Variants in TOR1B observed in about 807,000 individuals in gnomAD.
TOR1B encodes the protein torsin family 1 member B.
Under a neutral mutation model 29.2 loss-of-function variants are expected in TOR1B, and 14 were observed. That is an observed-to-expected ratio of 0.48 (90% CI 0.32 to 0.75). The LOEUF is 0.75. TOR1B is among the 30% of genes least tolerant of loss of function. The pLI is 0.04. For missense variants in TOR1B, 400 were observed against 433.9 expected, an observed-to-expected ratio of 0.92 and a Z score of 0.69; for synonymous variants, 166 against 179.8, an observed-to-expected ratio of 0.92 and a Z score of 0.62.
chr9:129,806,762 G>A (rs1406862203), intron 2 of TOR1B, among the ~76,000 whole-genome samples: 1 of 152,142 alleles, frequency 6.6e-6, no homozygotes, highest in Non-Finnish European at 1.5e-5. Flanking sequence ...CGGGGCGCCT[G>A]TAGTCCCAAC....
chr9:129,803,596 G>T (rs1233886769), intron 1 of TOR1B, among the ~76,000 whole-genome samples, 185 bp downstream of exon 1: 4 of 152,250 alleles, frequency 2.6e-5, no homozygotes, highest in Non-Finnish European at 5.9e-5. Context: ...GAACGCAGAA[G>T]CGGTGCCTTC....
intron 4 of TOR1B, 25 bp downstream of exon 4, chr9:129,809,057 C>A (rs367954398): frequency 1.1e-5 from 17 of 1,587,352 alleles, no homozygotes; most frequent in Non-Finnish European, 1.5e-5. Flanking sequence ...GTAAAGGAGC[C>A]CCTTAACTGT....
Position 129,807,367 on chromosome 9 carries a change from A to G in TOR1B, c.641+4A>G, listed in dbSNP as rs2030554958. On this transcript the variant is annotated splice_donor_region_variant and intron_variant, in intron 3 of 4. Transcript: ENST00000259339. ...AAGCCATCTTCATCTTTCTCAGGTC[A>G]GCGGGAGGCGGTTTTTTGGGGCACA... 6.2e-7 allele frequency: 1 copy of G among 1,612,732 alleles called. No homozygotes were observed. The highest frequency in any genetic ancestry group is 8.5e-7 in the Non-Finnish European group (1 of 1,179,114).
At chr9:129,809,265 A>G in intron 4 of TOR1B, 77 bp from the exon 5 acceptor site, 1 of 1,600,272 alleles carries the variant, frequency 6.2e-7, no homozygotes, top group Non-Finnish European at 8.5e-7. Flanking sequence ...GGACATGAGG[A>G]ATGTGCTGAG....
chr9:129,806,269 G>A (rs2030479341), intron 2 of TOR1B, among the ~76,000 whole-genome samples: 1 of 152,158 alleles, frequency 6.6e-6, no homozygotes, highest in Non-Finnish European at 1.5e-5. Flanking sequence ...GGATTTTCTT[G>A]TTCTTTACAT....
chr9:129,803,240 G>A lies in TOR1B; in HGVS notation c.28G>A (p.Ala10Thr), dbSNP rs2030259138. Residue 10 changes from alanine to threonine, a missense_variant, in exon 1 of 5, where the codon GCG becomes ACG. By Grantham distance (58) the Ala-to-Thr change is moderately conservative (BLOSUM62 0). Coordinates refer to ENST00000259339, the MANE Select transcript of TOR1B (RefSeq NM_014506.3). MLRAGWLRG[A>T]AALALLLAAR... is the part of the protein sequence containing the mutation. ...GTTGCGGGCTGGGTGGCTCCGGGGC[G>A]CGGCGGCGCTGGCGCTGCTGCTGGC... is the stretch of plus-strand genomic sequence containing the variant. 6.5e-7 allele frequency: 1 copy of A among 1,541,320 alleles called. No homozygotes were observed. The highest frequency in any genetic ancestry group is 8.7e-7 in the Non-Finnish European group (1 of 1,151,304).
Position 129,810,045 on chromosome 9 carries a change from C to A in TOR1B, c.*462C>A. The A allele has an allele frequency of 4.1e-6, 5 of 1,227,308 alleles. No individual in the cohort carries two copies. In the South Asian group the frequency reaches 7.2e-5, roughly 18 times the overall value. 76.0% of individuals were successfully genotyped at this position (1,227,308 alleles called of 1,614,324 possible). On this transcript the variant is annotated 3_prime_UTR_variant, in exon 5 of 5. Transcript: ENST00000259339. Reference sequence around the variant, plus strand: ...AGTACCTGAAAACAGCTGTGCATGGCAGGCCCGGCAATAGCTTCTGACCCA... The same window carrying A: ...AGTACCTGAAAACAGCTGTGCATGGAAGGCCCGGCAATAGCTTCTGACCCA...
At chr9:129,805,421 C>CA (rs1210534162) in intron 2 of TOR1B, among the ~76,000 whole-genome samples, 11 of 138,800 alleles carry the variant, frequency 7.9e-5, no homozygotes, top group South Asian at 2.3e-4. Context: ...GACTCTGTCT[C>CA]AAAAAAAAAG....
intron 1 of TOR1B, 126 bp from the exon 2 acceptor site, chr9:129,803,947 G>A: frequency 1.6e-6 from 2 of 1,278,208 alleles, no homozygotes; most frequent in South Asian, 2.8e-5. Context: ...GCCCTAGGGT[G>A]TGGCAGACAC....
In TOR1B at chr9:129,809,010, C is replaced by T. The variant is rs112230862; in HGVS notation, c.747C>T (p.Val249=). 6.8e-5 allele frequency: 110 copies of T among 1,612,126 alleles called. 2 individuals are homozygous for T. The highest frequency in any genetic ancestry group is 5.5e-4 in the African/African-American group (41 of 74,730). Residue 249 remains valine (V), a synonymous_variant, in exon 4 of 5, where the codon GTC becomes GTT. Coordinates refer to ENST00000259339, the MANE Select transcript of TOR1B (RefSeq NM_014506.3). ...QLKDLEPVLS[V]GVFNNKHSGL... ...AGGACCTGGAACCTGTACTGTCTGT[C>T]GGAGTCTTCAATAATAAACACAGTG...
In TOR1B at chr9:129,810,341, G is replaced by T; in HGVS notation, c.*758G>T. The T allele has an allele frequency of 1.7e-6, 2 of 1,159,640 alleles. No individual in the cohort carries two copies. Among genetic ancestry groups the T allele is most frequent in the Non-Finnish European group, 2.3e-6 (2 of 887,438 alleles). 71.8% of individuals were successfully genotyped at this position (1,159,640 alleles called of 1,614,324 possible). A position where few individuals can be genotyped will look rare whatever the true frequency, so the allele number is the denominator to read the frequency against. On this transcript the variant is annotated 3_prime_UTR_variant, in exon 5 of 5. Coordinates refer to ENST00000259339, the MANE Select transcript of TOR1B (RefSeq NM_014506.3). ...ACTCTTGATCTGAGCTGACCTGTGT[G>T]TGTGTGTGTGGGGGGGTGGGGCCTT...
intron 2 of TOR1B, among the ~76,000 whole-genome samples, chr9:129,806,769 C>T (rs1191784688): frequency 6.6e-6 from 1 of 152,124 alleles, no homozygotes; most frequent in Non-Finnish European, 1.5e-5. Context: ...CCTGTAGTCC[C>T]AACTACACGG....
At chr9:129,806,843 C>T (rs1432109600) in intron 2 of TOR1B, among the ~76,000 whole-genome samples, 1 of 152,086 alleles carries the variant, frequency 6.6e-6, no homozygotes, top group African/African-American at 2.4e-5. Context: ...TGAGATCACG[C>T]CACTACACAC....
rs1588213271 is a variant in TOR1B at position 129,811,244 on chromosome 9, C to T, written c.*1661C>T. The T allele has an allele frequency of 6.6e-6, 1 of 152,074 alleles. No homozygotes were observed. Among genetic ancestry groups the T allele is most frequent in the Admixed American group, 6.6e-5 (1 of 15,248 alleles). The allele number at this position is 152,074 out of a possible 1,614,324, so 9.4% of individuals were successfully genotyped here. ...TGGTCGAGAGAAGACAAGATTTTCTCTATTTACAGTGAGGCAATAAATATG... is the reference window on the plus strand; with the variant it reads ...TGGTCGAGAGAAGACAAGATTTTCTTTATTTACAGTGAGGCAATAAATATG... On this transcript the variant is annotated 3_prime_UTR_variant, in exon 5 of 5. Coordinates refer to ENST00000259339, the MANE Select transcript of TOR1B (RefSeq NM_014506.3).
chr9:129,807,703 G>A (rs138697448), intron 3 of TOR1B, among the ~76,000 whole-genome samples: 6,293 of 151,984 alleles, frequency 0.041, 423 homozygotes, highest in African/African-American at 0.14. Flanking sequence ...AAAATTAGCC[G>A]GGCGTGGTGG....
intron 1 of TOR1B, 48 bp from the exon 2 acceptor site, chr9:129,804,025 G>A: frequency 1.2e-6 from 2 of 1,605,510 alleles, no homozygotes; most frequent in South Asian, 1.1e-5. Context: ...CGTTGCTGAT[G>A]CATTTTTAAG....
intron 2 of TOR1B, 25 bp from the exon 3 acceptor site, chr9:129,807,163 G>GT (rs1564177755): frequency 3.1e-6 from 5 of 1,609,970 alleles, no homozygotes; most frequent in Non-Finnish European, 4.2e-6. Flanking sequence ...TTCGCATCCT[G>GT]TTTCTTCTTT....
chr9:129,804,368 A>G (rs764030804), intron 2 of TOR1B, 30 bp downstream of exon 2: 14 of 1,603,462 alleles, frequency 8.7e-6, no homozygotes, highest in Non-Finnish European at 1.1e-5. Context: ...TCTCGTCTGC[A>G]GGCCAGTCGG....
At chr9:129,805,820 CTG>C (rs368706843) in intron 2 of TOR1B, among the ~76,000 whole-genome samples, 2 of 152,222 alleles carry the variant, frequency 1.3e-5, no homozygotes, top group East Asian at 1.9e-4. Flanking sequence ...AACCTTGAGA[CTG>C]TTTCTCCTTT....
Sources: gnomAD v4.1 joint callset for allele counts (sites outside exome capture counted in the v4.1 genomes callset) on GRCh38, gnomAD v4.1.1 for gene constraint, MANE v1.5 for transcripts, NCBI Gene and HGNC (gene_info 2026-07-23, HGNC 2026-07-21) for gene names.